The following USP34 variants were observed in gnomAD, a reference collection of about 807,000 sequenced individuals.
USP34 encodes the protein ubiquitin carboxyl-terminal hydrolase 34.
A neutral mutation model predicts 460.3 loss-of-function variants in USP34; 70 were observed. That is an observed-to-expected ratio of 0.15 (90% CI 0.13 to 0.19). USP34 has a LOEUF of 0.19. USP34 is among the 10% of genes least tolerant of loss of function. USP34 has a pLI of 1.00. For synonymous variants in USP34, 1,647 were observed against 1,405.3 expected (o/e 1.17, Z -3.85); for missense variants, 3,985 against 4,236.2 (o/e 0.94, Z 1.65).
chr2:61,444,217 A>G (rs961973209), intron 1 of USP34, among the ~76,000 whole-genome samples: 9 of 152,324 alleles, frequency 5.9e-5, no homozygotes, highest in African/African-American at 2.2e-4. Context: ...ACTGCACTCC[A>G]GCCTGGGTGA....
intron 2 of USP34, chr2:61,416,821 T>TTTTG: frequency 9.3e-6 from 2 of 215,906 alleles, no homozygotes; most frequent in Non-Finnish European, 1.7e-5. Flanking sequence ...TTTTTTTTTT[T>TTTTG]GGGGGGGGGG....
intron 41 of USP34, among the ~76,000 whole-genome samples, chr2:61,270,661 C>G (rs1410038238): frequency 6.6e-6 from 1 of 152,134 alleles, no homozygotes; most frequent in Non-Finnish European, 1.5e-5. Flanking sequence ...GTCTCAAACT[C>G]CTGAGCTCAA....
chr2:61,281,233 G>C lies in USP34; in HGVS notation c.5008C>G (p.Arg1670Gly), dbSNP rs201449724. The C allele has an allele frequency of 6.2e-7, 1 of 1,612,024 alleles. No individual in the cohort carries two copies. Among genetic ancestry groups the C allele is most frequent in the Admixed American group, 1.7e-5 (1 of 59,522 alleles). Residue 1670 changes from arginine (R) to glycine (G), a missense_variant, in exon 38 of 80, where the codon CGT (arginine) becomes GGT (glycine). Coordinates refer to ENST00000398571, the MANE Select transcript of USP34 (RefSeq NM_014709.4). ...LTLLIPETAV[R>G]HESCSGLYKL... ...TAGAGACCACTGCATGATTCATGAC[G>C]AACTGCAGTCTAGATGAAAAAGAAA...
intron 33 of USP34, among the ~76,000 whole-genome samples, chr2:61,290,992 C>T (rs1197958793): frequency 6.6e-6 from 1 of 152,050 alleles, no homozygotes; most frequent in African/African-American, 2.4e-5. Context: ...TTTTGTAAAT[C>T]ACAGGGTGCT....
chr2:61,326,778 T>C (rs973050740), intron 20 of USP34, among the ~76,000 whole-genome samples: 1 of 31,128 alleles, frequency 3.2e-5, no homozygotes, highest in East Asian at 1.5e-3. Context: ...TCAATGGGCA[T>C]TTTTTTTTTT....
intron 69 of USP34, among the ~76,000 whole-genome samples, chr2:61,211,453 A>T (rs542999747): frequency 3.0e-4 from 46 of 152,330 alleles, no homozygotes; most frequent in African/African-American, 1.1e-3. Flanking sequence ...CCAAAGGTGC[A>T]GAAAACTTCC....
chr2:61,283,531 A>T, intron 35 of USP34, 82 bp from the exon 36 acceptor site: 1 of 1,454,852 alleles, frequency 6.9e-7, no homozygotes, highest in Non-Finnish European at 9.4e-7. Context: ...TATATCCTTT[A>T]AGGTTATCAC....
chr2:61,370,450 A>C (rs1368758608), intron 9 of USP34, 37 bp from the exon 10 acceptor site: 1 of 1,612,888 alleles, frequency 6.2e-7, no homozygotes, highest in East Asian at 2.2e-5. Flanking sequence ...TTTTAAAAAT[A>C]TTCTTCTCTA....
At chr2:61,328,948 T>TTAAC (rs1691178178) in intron 20 of USP34, among the ~76,000 whole-genome samples, 2 of 152,234 alleles carry the variant, frequency 1.3e-5, no homozygotes, top group Admixed American at 1.3e-4. Flanking sequence ...TGACAAGTAA[T>TTAAC]TAACTCCCCA....
rs147858114 is a variant in USP34 at position 61,291,931 on chromosome 2, A to G, written c.4548+1533T>C. Among the ~76,000 whole-genome samples, 41 of 152,302 alleles carry G rather than the reference A, an allele frequency of 2.7e-4. No homozygotes were observed. The East Asian group carries it at 5.6e-3, about 21-fold the overall frequency. On this transcript the variant is annotated intron_variant, in intron 33 of 79. Transcript: ENST00000398571. ...GCTACTTCCAAGGATGAATCTCGAAAATAGGCTAAGTGAAAGAAACCAGTC... is the reference window on the plus strand; with the variant it reads ...GCTACTTCCAAGGATGAATCTCGAAGATAGGCTAAGTGAAAGAAACCAGTC...
intron 10 of USP34, among the ~76,000 whole-genome samples, chr2:61,367,663 T>G (rs562784937): frequency 6.6e-6 from 1 of 151,942 alleles, no homozygotes; most frequent in East Asian, 1.9e-4. Flanking sequence ...AGCAACATAA[T>G]GGAAGAAATA....
chr2:61,214,261 CT>C lies in USP34; in HGVS notation c.8480del (p.Lys2827ArgfsTer32). ...RLIVQNPVVTKNIAFNYILAD... is the reference protein window; with the variant it reads ...RLIVQNPVVTXNIAFNYILAD... ...CAAGGATGTAATTGAAGGCAATGTT[CT>C]TGGTTACCACTGGGTTCTGAACAAT... On this transcript the variant is annotated frameshift_variant, in exon 68 of 80. Transcript: ENST00000398571. LOFTEE classifies it high-confidence loss of function. The C allele has an allele frequency of 6.2e-7, 1 of 1,614,214 alleles. No homozygotes were observed. Among genetic ancestry groups the C allele is most frequent in the Non-Finnish European group, 8.5e-7 (1 of 1,180,038 alleles).
At chr2:61,450,052 C>A (rs375620646) in intron 1 of USP34, among the ~76,000 whole-genome samples, 1 of 151,434 alleles carries the variant, frequency 6.6e-6, no homozygotes, top group Admixed American at 6.6e-5. Flanking sequence ...GGCAACAAAC[C>A]AAGACTCTGT....
chr2:61,295,203 C>T lies in USP34; in HGVS notation c.4342G>A (p.Gly1448Arg), dbSNP rs1464979608. ...LYALEIIEAL[G>R]KPNRRIRRES... ...CTCCTTATTCTTCTATTAGGTTTTC[C>T]CAGTGCTTCAATAATTTCCAGAGCA... Residue 1448 changes from glycine (G) to arginine (R), a missense_variant, in exon 31 of 80, where the codon GGA becomes AGA. Physicochemically the swap from Gly to Arg is moderately radical, Grantham distance 125. Around this residue, in one of 14 missense-constraint regions of USP34, gnomAD observed 1,114 missense variants for 1,122.5 expected, o/e 0.99. Coordinates refer to ENST00000398571, the MANE Select transcript of USP34 (RefSeq NM_014709.4). 1 of 1,611,872 alleles carries T rather than the reference C, an allele frequency of 6.2e-7. No homozygotes were observed. Among genetic ancestry groups the T allele is most frequent in the Non-Finnish European group, 8.5e-7 (1 of 1,179,266 alleles).
At chr2:61,409,835 C>G (rs752437396) in intron 2 of USP34, among the ~76,000 whole-genome samples, 6 of 152,172 alleles carry the variant, frequency 3.9e-5, no homozygotes, top group Non-Finnish European at 7.4e-5. Flanking sequence ...ACAGAAGAAA[C>G]TGGGTCTGGG....
chr2:61,329,658 A>G (rs1691203068), intron 20 of USP34, among the ~76,000 whole-genome samples: 1 of 152,176 alleles, frequency 6.6e-6, no homozygotes, highest in Non-Finnish European at 1.5e-5. Context: ...TATGCCATGA[A>G]GAATCTCTGG....
Position 61,405,757 on chromosome 2 carries a change from T to C in USP34, c.503A>G (p.Gln168Arg). Residue 168 changes from glutamine (Q) to arginine (R), a missense_variant, in exon 3 of 80, where the codon CAG becomes CGG. Physicochemically the swap from Gln to Arg is conservative, Grantham distance 43. This residue lies in a region of USP34 where 331 missense variants were observed against 293.7 expected (regional missense o/e 1.13). Transcript: ENST00000398571. ...CTTGTAAGCAGTATATAAGGGAAAC[T>C]GAATTTGAAAAATTTTTGCCACACA... ...LLCVAKIFQI[Q>R]FPLYTAYKHN... 1 of 1,599,192 alleles carries C rather than the reference T, an allele frequency of 6.3e-7. No homozygotes were observed. The highest frequency in any genetic ancestry group is 8.5e-7 in the Non-Finnish European group (1 of 1,175,128).
At chr2:61,359,588 G>C (rs1692212314) in intron 10 of USP34, among the ~76,000 whole-genome samples, 1 of 152,000 alleles carries the variant, frequency 6.6e-6, no homozygotes, top group African/African-American at 2.4e-5. Flanking sequence ...AGATATGTTA[G>C]ACTTCATCAA....
chr2:61,295,072 G>A, intron 31 of USP34, 40 bp from the exon 32 acceptor site: 3 of 1,602,916 alleles, frequency 1.9e-6, no homozygotes. Flanking sequence ...AATGGCGGAA[G>A]AAAGAATTAT....
Sources: gnomAD v4.1 joint callset for allele counts (sites outside exome capture counted in the v4.1 genomes callset) on GRCh38, gnomAD v4.1.1 for gene constraint, gnomAD v4.1.1 regional missense constraint, MANE v1.5 for transcripts, NCBI Gene and HGNC (gene_info 2026-07-23, HGNC 2026-07-21) for gene names.